The following CENPP variants were observed in gnomAD, a reference collection of about 807,000 sequenced individuals.
CENPP encodes centromere protein P.
In CENPP, 24 loss-of-function variants were observed where a neutral mutation model predicts 35.6. That is an observed-to-expected ratio of 0.67 (90% CI 0.49 to 0.95). The LOEUF is 0.95. Ranked by LOEUF, CENPP falls within the 40% of genes least tolerant of loss-of-function variation. CENPP has a pLI of 0.00. For synonymous variants in CENPP, 120 were observed against 125.5 expected (o/e 0.96, Z 0.29); for missense variants, 332 against 345.3 (o/e 0.96, Z 0.31).
In CENPP at chr9:92,593,437, C is replaced by T. The variant is rs10820995; in HGVS notation, c.565-17877C>T. Among the ~76,000 whole-genome samples, 39,596 of 152,170 alleles carry T rather than the reference C, an allele frequency of 0.26. 7,512 individuals carry two copies. The highest frequency in any genetic ancestry group is 0.53 in the African/African-American group (22,029 of 41,488). ...TGAAATTACTCTAGGAAAGCAAAGC[C>T]GTTTTAGGACAGCAAAGGATTTTCT... is the stretch of plus-strand genomic sequence containing the variant. On this transcript the variant is annotated intron_variant, in intron 5 of 7. Coordinates refer to ENST00000375587, the MANE Select transcript of CENPP (RefSeq NM_001012267.3). This position sits in a 1 kb window ranked among gnomAD's most constrained non-coding sequence, Gnocchi z 4.1.
intron 5 of CENPP, among the ~76,000 whole-genome samples, chr9:92,546,340 C>A (rs113033167): frequency 1.3e-5 from 2 of 152,320 alleles, no homozygotes; most frequent in African/African-American, 4.8e-5. Context: ...AGGTCCCCTT[C>A]CACTGTGTGG....
intron 5 of CENPP, among the ~76,000 whole-genome samples, chr9:92,592,078 CATAT>C (rs1850676751): frequency 1.3e-5 from 2 of 151,630 alleles, no homozygotes; most frequent in East Asian, 1.9e-4. Context: ...CAGAAAAGAG[CATAT>C]ATAGACACAT....
At chr9:92,520,448 TA>T (rs1197284209) in intron 5 of CENPP, among the ~76,000 whole-genome samples, 1 of 152,058 alleles carries the variant, frequency 6.6e-6, no homozygotes, top group East Asian at 1.9e-4. Context: ...CAGCTATAAT[TA>T]AAAATAAATA....
At chr9:92,371,388 T>C (rs1398899104) in intron 4 of CENPP, among the ~76,000 whole-genome samples, 1 of 152,168 alleles carries the variant, frequency 6.6e-6, no homozygotes, top group Non-Finnish European at 1.5e-5. Flanking sequence ...TTCAGGAACA[T>C]GTTGTTTAAT....
chr9:92,436,406 G>C (rs1471097072), intron 5 of CENPP, among the ~76,000 whole-genome samples: 2 of 152,076 alleles, frequency 1.3e-5, no homozygotes, highest in African/African-American at 4.8e-5. Flanking sequence ...TTTAAATTTT[G>C]GTGAAGTCCA....
rs139951554 is a variant in CENPP, at chr9:92,517,688, A to G, written c.565-93626A>G. On this transcript the variant is annotated intron_variant, in intron 5 of 7. Coordinates refer to ENST00000375587, the MANE Select transcript of CENPP (RefSeq NM_001012267.3). ...TTTTGCTTAGCTAAATCTCTGTACC[A>G]GTAGCGGAGCAGACCGGGCAGCATT... 2,969 of 1,614,176 alleles carry G rather than the reference A, an allele frequency of 1.8e-3. 73 individuals carry two copies. In the South Asian group the frequency reaches 0.03, roughly 16 times the overall value.
rs41278695 is a variant in CENPP, at chr9:92,466,381, C to A, written c.564+86522C>A. On this transcript the variant is annotated intron_variant, in intron 5 of 7. Coordinates refer to ENST00000375587, the MANE Select transcript of CENPP (RefSeq NM_001012267.3). ...ACCCAAAACGTGTAAAGCATTCATT[C>A]CTTTGAATGTGTCCTTTTGTATTTT... 9 of 1,606,020 alleles carry A rather than the reference C, an allele frequency of 5.6e-6. No individual in the cohort carries two copies. The East Asian group carries it at 2.0e-4, about 36-fold the overall frequency.
chr9:92,360,337 C>T (rs778876788), intron 4 of CENPP, among the ~76,000 whole-genome samples: 4 of 152,196 alleles, frequency 2.6e-5, no homozygotes, highest in Non-Finnish European at 4.4e-5. Flanking sequence ...GAATTATATT[C>T]ACATGTATGT....
In CENPP at chr9:92,381,483, C is replaced by T. The variant is rs558352463; in HGVS notation, c.564+1624C>T. Among the ~76,000 whole-genome samples, 8 of 152,194 alleles carry T rather than the reference C, an allele frequency of 5.3e-5. No homozygotes were observed. The South Asian group carries it at 1.2e-3, about 24-fold the overall frequency. The stretch of plus-strand genomic sequence containing the variant: ...ATTTTTCGTAGAGATGCAGTTTCGC[C>T]GTGTTGCCCATGCTGGTCTTGAACT... On this transcript the variant is annotated intron_variant, in intron 5 of 7. Transcript: ENST00000375587.
chr9:92,439,001 G>A (rs1455934261), intron 5 of CENPP, among the ~76,000 whole-genome samples: 2 of 152,156 alleles, frequency 1.3e-5, no homozygotes, highest in Non-Finnish European at 2.9e-5. Flanking sequence ...ATTGCTACGT[G>A]GTATGGCCTT....
intron 5 of CENPP, among the ~76,000 whole-genome samples, chr9:92,554,239 A>G (rs1391738862): frequency 2.6e-5 from 4 of 151,306 alleles, no homozygotes; most frequent in African/African-American, 4.9e-5. Context: ...GCTGGAGTGC[A>G]ATGGCACAAT....
At chr9:92,425,036 C>G (rs1294222876) in intron 5 of CENPP, among the ~76,000 whole-genome samples, 1 of 152,214 alleles carries the variant, frequency 6.6e-6, no homozygotes, top group Non-Finnish European at 1.5e-5. Flanking sequence ...ATCAGTACTT[C>G]TATTTGTTAA....
At chr9:92,472,917 G>C (rs907189436) in intron 5 of CENPP, among the ~76,000 whole-genome samples, 9 of 152,166 alleles carry the variant, frequency 5.9e-5, no homozygotes, top group Admixed American at 6.5e-5. Flanking sequence ...ACCTACTCCT[G>C]CCCTGCCCCT....
At chr9:92,338,056 A>C (rs943778832) in intron 3 of CENPP, among the ~76,000 whole-genome samples, 15 of 152,200 alleles carry the variant, frequency 9.9e-5, no homozygotes, top group African/African-American at 3.1e-4. Context: ...TCACACCTGT[A>C]GTCTCAGCAT....
chr9:92,501,537 G>A (rs942542680), intron 5 of CENPP, among the ~76,000 whole-genome samples: 1 of 152,140 alleles, frequency 6.6e-6, no homozygotes, highest in Non-Finnish European at 1.5e-5. Flanking sequence ...GGCACACCTG[G>A]GACTTGAGGC....
intron 4 of CENPP, among the ~76,000 whole-genome samples, chr9:92,367,719 G>A (rs569379613): frequency 1.1e-4 from 16 of 152,274 alleles, no homozygotes; most frequent in African/African-American, 3.9e-4. Flanking sequence ...CTGGGTTCAA[G>A]CGATTCTTCT....
rs1316324421 is a variant in CENPP, at chr9:92,345,687, TC to T, written c.379-11del. On this transcript the variant is annotated splice_polypyrimidine_tract_variant and intron_variant, in intron 3 of 7. Coordinates refer to ENST00000375587, the MANE Select transcript of CENPP (RefSeq NM_001012267.3). ...CTGTGCTTTGATACAGAAATTTTTA[TC>T]TTTATTTTAGAATAAGGAGAGATTA... 6.8e-7 allele frequency: 1 copy of T among 1,470,364 alleles called. No homozygotes were observed. Among genetic ancestry groups the T allele is most frequent in the African/African-American group, 1.4e-5 (1 of 71,272 alleles). 91.1% of individuals were successfully genotyped at this position (1,470,364 alleles called of 1,614,324 possible).
intron 5 of CENPP, among the ~76,000 whole-genome samples, chr9:92,400,822 G>A (rs1019857230): frequency 3.9e-5 from 6 of 152,272 alleles, no homozygotes; most frequent in East Asian, 1.9e-4. Context: ...AGTATTTCTC[G>A]AATAGATTTT....
chr9:92,505,551 A>G, intron 5 of CENPP: 1 of 1,601,568 alleles, frequency 6.2e-7, no homozygotes, highest in Middle Eastern at 1.7e-4. Flanking sequence ...AACCAGGAAG[A>G]CCCTGCGGTA....
Sources: allele counts gnomAD v4.1 joint callset (sites outside exome capture counted in the v4.1 genomes callset), GRCh38; gene constraint gnomAD v4.1.1; non-coding constraint Gnocchi (gnomAD v3.1); transcripts MANE v1.5; gene names NCBI Gene and HGNC (gene_info 2026-07-23, HGNC 2026-07-21).